The following CCDC6 variants were observed in gnomAD, a reference collection of about 807,000 sequenced individuals.
CCDC6 encodes the protein coiled-coil domain containing 6, also known as coiled-coil domain-containing protein 6.
In CCDC6, 20 loss-of-function variants were observed where a neutral mutation model predicts 56.6. The observed-to-expected ratio is 0.35, with a 90% CI of 0.25 to 0.51. The LOEUF is 0.51. CCDC6 is among the 20% of genes least tolerant of loss of function. The pLI is 0.95. For missense variants in CCDC6, 367 were observed against 601.1 expected, an observed-to-expected ratio of 0.61 and a Z score of 4.07; for synonymous variants, 241 against 234.4, an observed-to-expected ratio of 1.03 and a Z score of -0.26.
At chr10:59,842,567 T>C (rs1255370660) in intron 2 of CCDC6, among the ~76,000 whole-genome samples, 1 of 152,210 alleles carries the variant, frequency 6.6e-6, no homozygotes, top group African/African-American at 2.4e-5. Context: ...TCATGGTGCA[T>C]TGTCCTTTTA....
intron 1 of CCDC6, among the ~76,000 whole-genome samples, chr10:59,902,678 G>T (rs1357826868): frequency 6.6e-6 from 1 of 152,172 alleles, no homozygotes; most frequent in African/African-American, 2.4e-5. Context: ...GGGATTACAG[G>T]CATGAGCCAC....
At chr10:59,812,614 G>C (rs758075620) in intron 5 of CCDC6, 21 bp downstream of exon 5, 2 of 1,577,322 alleles carry the variant, frequency 1.3e-6, no homozygotes, top group Non-Finnish European at 1.7e-6. Context: ...CATGAAACTA[G>C]TGAAACCAGA....
chr10:59,810,404 G>C (rs182794745), intron 5 of CCDC6, among the ~76,000 whole-genome samples: 9 of 152,266 alleles, frequency 5.9e-5, no homozygotes, highest in Non-Finnish European at 1.3e-4. Flanking sequence ...AGACTAAACA[G>C]TGCAGTATGG....
intron 1 of CCDC6, among the ~76,000 whole-genome samples, chr10:59,884,247 A>G (rs1322918611): frequency 1.3e-5 from 2 of 152,222 alleles, no homozygotes; most frequent in African/African-American, 4.8e-5. Context: ...AACAAACAAA[A>G]AAATAAGATG....
intron 1 of CCDC6, among the ~76,000 whole-genome samples, chr10:59,876,859 A>G (rs1286122606): frequency 6.6e-6 from 1 of 152,194 alleles, no homozygotes; most frequent in Non-Finnish European, 1.5e-5. Flanking sequence ...ATGACAGGTT[A>G]TGTTATGAGA....
chr10:59,831,665 C>G (rs1404981056), intron 3 of CCDC6, among the ~76,000 whole-genome samples: 1 of 152,218 alleles, frequency 6.6e-6, no homozygotes, highest in African/African-American at 2.4e-5. Context: ...GCATCAGCCT[C>G]TTATAACTTA....
intron 7 of CCDC6, among the ~76,000 whole-genome samples, chr10:59,802,087 G>T (rs76591727): frequency 0.01 from 1,549 of 152,194 alleles, 19 homozygotes; most frequent in African/African-American, 0.024. Context: ...ATCAAAACAG[G>T]CTAACTGGGA....
intron 2 of CCDC6, among the ~76,000 whole-genome samples, chr10:59,839,849 C>T (rs769709091): frequency 7.2e-5 from 11 of 152,124 alleles, no homozygotes; most frequent in Non-Finnish European, 1.5e-4. Context: ...TATTTTGAGA[C>T]AGAGTCTCAC....
At chr10:59,805,778 T>A (rs2070616680) in intron 6 of CCDC6, among the ~76,000 whole-genome samples, 1 of 152,066 alleles carries the variant, frequency 6.6e-6, no homozygotes. Flanking sequence ...CCTGTTACTG[T>A]TTTCCTTTTT....
intron 1 of CCDC6, among the ~76,000 whole-genome samples, chr10:59,902,096 C>T (rs1161233908): frequency 2.6e-5 from 4 of 152,268 alleles, no homozygotes; most frequent in South Asian, 4.1e-4. Context: ...GTGCACTGGG[C>T]GCTTGTGGAC....
rs147945875 is a variant in CCDC6, at chr10:59,801,117, A to T, written c.1105+3303T>A. Among the ~76,000 whole-genome samples the T allele has an allele frequency of 4.1e-3, 628 of 152,308 alleles. 2 individuals are homozygous for T. The highest frequency in any genetic ancestry group is 6.9e-3 in the Admixed American group (106 of 15,290). ...AACATTAACACCGCCTTTGGATGAA[A>T]GAATTCTGGATGACTTTATTTCTGC... On this transcript the variant is annotated intron_variant, in intron 7 of 8. Coordinates refer to ENST00000263102, the MANE Select transcript of CCDC6 (RefSeq NM_005436.5).
intron 1 of CCDC6, among the ~76,000 whole-genome samples, chr10:59,882,406 G>C (rs1350622545): frequency 0.025 from 24 of 958 alleles, no homozygotes; most frequent in Admixed American, 0.061. Context: ...AGGAAAGCCA[G>C]GGGGAGAAGG....
chr10:59,862,570 T>TACACACACACACACACACAC (rs907275659), intron 1 of CCDC6, among the ~76,000 whole-genome samples: 149 of 96,300 alleles, frequency 1.5e-3, no homozygotes, highest in Non-Finnish European at 2.5e-3. Flanking sequence ...TATATACACA[T>TACACACACACACACACACAC]ACACACACAC....
intron 1 of CCDC6, among the ~76,000 whole-genome samples, chr10:59,863,126 A>C (rs2071148131): frequency 6.6e-6 from 1 of 152,220 alleles, no homozygotes; most frequent in African/African-American, 2.4e-5. Flanking sequence ...TTTTTTAATA[A>C]ACTAAAAAAA....
chr10:59,818,497 G>C (rs1049189418), intron 3 of CCDC6, among the ~76,000 whole-genome samples: 1 of 103,484 alleles, frequency 9.7e-6, no homozygotes, highest in Non-Finnish European at 1.9e-5. Context: ...AATGTTGACG[G>C]GGGGGGGGGA....
intron 1 of CCDC6, among the ~76,000 whole-genome samples, chr10:59,884,552 C>A (rs117711346): frequency 1.3e-5 from 2 of 151,968 alleles, no homozygotes; most frequent in African/African-American, 2.4e-5. Flanking sequence ...AAAGAGAGTG[C>A]GCCCAGTTCC....
At chr10:59,818,504 GGGA>G (rs1730019437) in intron 3 of CCDC6, among the ~76,000 whole-genome samples, 1 of 135,308 alleles carries the variant, frequency 7.4e-6, no homozygotes, top group Non-Finnish European at 1.6e-5. Flanking sequence ...ACGGGGGGGG[GGGA>G]AGCAGATTCT....
At chr10:59,888,180 AG>A (rs1316606021) in intron 1 of CCDC6, among the ~76,000 whole-genome samples, 1 of 152,198 alleles carries the variant, frequency 6.6e-6, no homozygotes, top group Non-Finnish European at 1.5e-5. Flanking sequence ...TCCAGCCCTG[AG>A]TGGCTTCACA....
chr10:59,873,160 C>T (rs1315868409), intron 1 of CCDC6, among the ~76,000 whole-genome samples: 1 of 152,132 alleles, frequency 6.6e-6, no homozygotes, highest in Non-Finnish European at 1.5e-5. Flanking sequence ...AGCTCCACTC[C>T]CTTTTATGGG....
Sources: gnomAD v4.1 joint callset for allele counts (sites outside exome capture counted in the v4.1 genomes callset) on GRCh38, gnomAD v4.1.1 for gene constraint, MANE v1.5 for transcripts, NCBI Gene and HGNC (gene_info 2026-07-23, HGNC 2026-07-21) for gene names.